Variants in PRKN observed in about 807,000 individuals in gnomAD.
PRKN encodes E3 ubiquitin-protein ligase parkin.
In PRKN, 56 loss-of-function variants were observed where a neutral mutation model predicts 59.5. The observed-to-expected ratio is 0.94, with a 90% CI of 0.76 to 1.18. PRKN has a LOEUF of 1.18. Ranked by LOEUF, PRKN falls within the 50% of genes most tolerant of loss-of-function variation. PRKN has a pLI of 0.00. For synonymous variants in PRKN, 250 were observed against 222.1 expected, an observed-to-expected ratio of 1.13 and a Z score of -1.12; for missense variants, 657 against 596.4, an observed-to-expected ratio of 1.10 and a Z score of -1.06.
Position 161,402,135 on chromosome 6 carries a change from G to A in PRKN, c.1084-15258C>T, listed in dbSNP as rs9458241. ...CTCAGTGGCAGGCCAGGCTCTAAAG[G>A]CTCCTCTGGATGCCTGTTGGCCAAA... On this transcript the variant is annotated intron_variant, in intron 9 of 11. Transcript: ENST00000366898. The surrounding 1 kb of genome is among the most constrained non-coding windows in gnomAD (Gnocchi z 4.5). Among the ~76,000 whole-genome samples the A allele has an allele frequency of 6.6e-6, 1 of 152,060 alleles. No individual in the cohort carries two copies. The highest frequency in any genetic ancestry group is 2.4e-5 in the African/African-American group (1 of 41,392).
At chr6:161,453,305 C>T (rs1299674985) in intron 9 of PRKN, among the ~76,000 whole-genome samples, 1 of 152,138 alleles carries the variant, frequency 6.6e-6, no homozygotes, top group African/African-American at 2.4e-5. Flanking sequence ...TAGAAACTCC[C>T]ACAATGTGTG....
Position 161,473,492 on chromosome 6 carries a change from A to G in PRKN, c.1083+75362T>C, listed in dbSNP as rs986845924. Reference sequence around the variant, plus strand: ...AGCCAGACACAGGAAAAAGTACTGCATGATCTTACTTACATGTGGAATCTT... The same window carrying G: ...AGCCAGACACAGGAAAAAGTACTGCGTGATCTTACTTACATGTGGAATCTT... On this transcript the variant is annotated intron_variant, in intron 9 of 11. Transcript: ENST00000366898. This position sits in a 1 kb window ranked among gnomAD's most constrained non-coding sequence, Gnocchi z 4.1. Among the ~76,000 whole-genome samples the G allele has an allele frequency of 3.9e-5, 6 of 151,956 alleles. No individual in the cohort carries two copies. The highest frequency in any genetic ancestry group is 7.4e-5 in the Non-Finnish European group (5 of 67,990).
At chr6:161,860,372 T>C (rs1401180060) in intron 6 of PRKN, among the ~76,000 whole-genome samples, 2 of 152,202 alleles carry the variant, frequency 1.3e-5, no homozygotes, top group African/African-American at 4.8e-5. Context: ...ATGCATGCAA[T>C]TGTAGAGACT....
At chr6:161,509,363 A>T (rs1778293525) in intron 9 of PRKN, among the ~76,000 whole-genome samples, 1 of 152,146 alleles carries the variant, frequency 6.6e-6, no homozygotes, top group Non-Finnish European at 1.5e-5. Flanking sequence ...ATCCATTCTG[A>T]GATCAAAAAG....
chr6:161,766,420 G>C (rs1789427122), intron 7 of PRKN, among the ~76,000 whole-genome samples: 1 of 150,660 alleles, frequency 6.6e-6, no homozygotes, highest in East Asian at 2.0e-4. Context: ...TAATTCTTCT[G>C]CCTCAGCCTC....
At chr6:161,940,256 T>A (rs1779510362) in intron 6 of PRKN, among the ~76,000 whole-genome samples, 1 of 148,010 alleles carries the variant, frequency 6.8e-6, no homozygotes, top group Admixed American at 6.9e-5. Context: ...TCACAAAATT[T>A]GCAAATCATG....
chr6:161,864,880 T>C (rs1042778979), intron 6 of PRKN, among the ~76,000 whole-genome samples: 9 of 152,116 alleles, frequency 5.9e-5, no homozygotes, highest in Non-Finnish European at 1.3e-4. Context: ...GGTCTCAAAC[T>C]CCTGACCTTG....
intron 1 of PRKN, among the ~76,000 whole-genome samples, chr6:162,648,186 A>T (rs1324227806): frequency 6.6e-6 from 1 of 152,068 alleles, no homozygotes; most frequent in African/African-American, 2.4e-5. Flanking sequence ...CAAAGGAAAG[A>T]CAGACAGCCT....
chr6:162,297,240 T>C (rs1459168876), intron 2 of PRKN, among the ~76,000 whole-genome samples: 1 of 151,112 alleles, frequency 6.6e-6, no homozygotes, highest in Non-Finnish European at 1.5e-5. Context: ...TATTGGTCAC[T>C]CTGCTGAAGA....
chr6:161,950,924 G>A (rs907431219), intron 6 of PRKN, among the ~76,000 whole-genome samples: 4 of 144,702 alleles, frequency 2.8e-5, no homozygotes, highest in East Asian at 2.0e-4. Context: ...AACAAGAATC[G>A]GAATGGCTGC....
At chr6:162,724,081 A>C (rs748019957) in intron 1 of PRKN, among the ~76,000 whole-genome samples, 2 of 152,254 alleles carry the variant, frequency 1.3e-5, no homozygotes, top group Non-Finnish European at 2.9e-5. Flanking sequence ...CCAGTTCTAC[A>C]GAACATTTAG....
At chr6:161,791,340 T>C (rs1790629619) in intron 6 of PRKN, among the ~76,000 whole-genome samples, 2 of 152,214 alleles carry the variant, frequency 1.3e-5, no homozygotes, top group South Asian at 2.1e-4. Context: ...AAGTAGAATA[T>C]GGTTACACAG....
chr6:161,587,742 T>A (rs1337392914), intron 7 of PRKN, among the ~76,000 whole-genome samples: 2 of 152,192 alleles, frequency 1.3e-5, no homozygotes, highest in East Asian at 3.8e-4. Context: ...GGTGCACCCA[T>A]CACCCAAGCA....
At chr6:161,381,429 A>C (rs1419798531) in intron 10 of PRKN, among the ~76,000 whole-genome samples, 1 of 152,090 alleles carries the variant, frequency 6.6e-6, no homozygotes, top group African/African-American at 2.4e-5. Flanking sequence ...TATCACAAAA[A>C]CTTGAGATAA....
At chr6:161,938,154 T>C (rs149855560) in intron 6 of PRKN, among the ~76,000 whole-genome samples, 78 of 152,330 alleles carry the variant, frequency 5.1e-4, no homozygotes, top group South Asian at 1.2e-3. Flanking sequence ...GATCTGACAT[T>C]CTGCTCTTAA....
intron 10 of PRKN, among the ~76,000 whole-genome samples, chr6:161,365,777 A>C (rs1259626700): frequency 2.0e-5 from 3 of 152,184 alleles, no homozygotes. Context: ...CGTCCTTCAA[A>C]TCAGGACACT....
At chr6:161,965,429 T>A (rs1780540553) in intron 6 of PRKN, among the ~76,000 whole-genome samples, 1 of 152,064 alleles carries the variant, frequency 6.6e-6, no homozygotes, top group African/African-American at 2.4e-5. Flanking sequence ...CGGGCTATTT[T>A]TCGGTCTGCT....
intron 1 of PRKN, among the ~76,000 whole-genome samples, chr6:162,715,105 T>A (rs1038634848): frequency 6.6e-6 from 1 of 152,170 alleles, no homozygotes; most frequent in African/African-American, 2.4e-5. Context: ...TATAGTTACT[T>A]CCCCTATTTG....
intron 4 of PRKN, among the ~76,000 whole-genome samples, chr6:162,117,618 T>G (rs1489757003): frequency 3.3e-5 from 5 of 152,172 alleles, no homozygotes; most frequent in African/African-American, 1.2e-4. Context: ...GATTTCCTTC[T>G]CCACTGCAGC....
Sources: gnomAD v4.1 joint callset for allele counts (sites outside exome capture counted in the v4.1 genomes callset) on GRCh38, gnomAD v4.1.1 for gene constraint, Gnocchi (gnomAD v3.1) non-coding constraint, MANE v1.5 for transcripts, NCBI Gene and HGNC (gene_info 2026-07-23, HGNC 2026-07-21) for gene names.